Variants in ARMH3 observed in about 807,000 individuals in gnomAD.
ARMH3 encodes the protein armadillo like helical domain containing 3.
Under a neutral mutation model 99.1 loss-of-function variants are expected in ARMH3, and 60 were observed. That is an observed-to-expected ratio of 0.61 (90% CI 0.49 to 0.75). The LOEUF (loss-of-function observed/expected upper bound fraction) is 0.75, where lower values mean the gene tolerates loss of function less well. ARMH3 is among the 30% of genes least tolerant of loss of function. The pLI is 0.00. For missense variants in ARMH3, 679 were observed against 843.1 expected, an observed-to-expected ratio of 0.81 and a Z score of 2.41; for synonymous variants, 285 against 292.8, an observed-to-expected ratio of 0.97 and a Z score of 0.27.
At chr10:101,874,796 A>G (rs947419363) in intron 24 of ARMH3, among the ~76,000 whole-genome samples, 2 of 152,162 alleles carry the variant, frequency 1.3e-5, no homozygotes, top group African/African-American at 4.8e-5. Flanking sequence ...TGGATCTGCA[A>G]AGAGACAATA....
chr10:102,050,221 T>C (rs557582345), intron 1 of ARMH3, among the ~76,000 whole-genome samples: 17 of 151,786 alleles, frequency 1.1e-4, no homozygotes, highest in Admixed American at 5.3e-4. Context: ...GGAGGGCAGA[T>C]CACAAGGTCA....
At chr10:101,961,793 G>A (rs1050705765) in intron 20 of ARMH3, among the ~76,000 whole-genome samples, 1 of 152,172 alleles carries the variant, frequency 6.6e-6, no homozygotes, top group Non-Finnish European at 1.5e-5. Flanking sequence ...AGAAGTAGCA[G>A]TACATACAGG....
At chr10:101,849,667 C>A (rs1041889268) in intron 25 of ARMH3, 109 bp downstream of exon 25, 16 of 862,040 alleles carry the variant, frequency 1.9e-5, no homozygotes, top group Non-Finnish European at 2.8e-5. Context: ...CCCATCCCAG[C>A]AGACCCCTCA....
chr10:101,942,881 A>C (rs2135728146), intron 22 of ARMH3, among the ~76,000 whole-genome samples: 2 of 152,184 alleles, frequency 1.3e-5, no homozygotes, highest in African/African-American at 4.8e-5. Context: ...AAAAAAAAAA[A>C]AATGTCTTTC....
chr10:101,904,645 T>C (rs2068059628), intron 23 of ARMH3, among the ~76,000 whole-genome samples: 1 of 151,732 alleles, frequency 6.6e-6, no homozygotes, highest in Admixed American at 6.6e-5. Flanking sequence ...TTCTACAGTG[T>C]TGGGATTAAA....
At chr10:101,981,232 G>A (rs1010253292) in intron 19 of ARMH3, among the ~76,000 whole-genome samples, 1 of 152,002 alleles carries the variant, frequency 6.6e-6, no homozygotes, top group Non-Finnish European at 1.5e-5. Context: ...CTAATTTCTT[G>A]GGCTTCTTAC....
intron 1 of ARMH3, among the ~76,000 whole-genome samples, chr10:102,054,388 CA>C (rs1199918958): frequency 0.036 from 2,550 of 70,692 alleles, 28 homozygotes; most frequent in East Asian, 0.066. Flanking sequence ...GACTCCGTCT[CA>C]AAAAAAAAAA....
intron 25 of ARMH3, 54 bp from the exon 26 acceptor site, chr10:101,847,674 A>G: frequency 6.5e-7 from 1 of 1,527,278 alleles, no homozygotes; most frequent in South Asian, 1.1e-5. Context: ...AGAAAACAGG[A>G]GAGAGTCAGT....
At chr10:101,967,739 G>C (rs892167441) in intron 20 of ARMH3, among the ~76,000 whole-genome samples, 1 of 152,096 alleles carries the variant, frequency 6.6e-6, no homozygotes, top group Non-Finnish European at 1.5e-5. Flanking sequence ...TCAGTCGTGG[G>C]GGGAGCAGGG....
rs1243037824 is a variant in ARMH3 at position 101,888,551 on chromosome 10, A to G, written c.1860+861T>C. Among the ~76,000 whole-genome samples the G allele has an allele frequency of 2.0e-5, 3 of 152,236 alleles. No homozygotes were observed. In the East Asian group the frequency reaches 5.8e-4, roughly 29 times the overall value. On this transcript the variant is annotated intron_variant, in intron 24 of 25. Coordinates refer to ENST00000370033, the MANE Select transcript of ARMH3 (RefSeq NM_024541.3). Reference sequence around the variant, plus strand: ...ACACTGAAACACATGGTCAAATCATAGCTGGCTGGCTGGCTCTGCCAGCAA... The same window carrying G: ...ACACTGAAACACATGGTCAAATCATGGCTGGCTGGCTGGCTCTGCCAGCAA...
intron 18 of ARMH3, among the ~76,000 whole-genome samples, chr10:101,990,894 T>C (rs1846760294): frequency 6.6e-6 from 1 of 152,228 alleles, no homozygotes; most frequent in African/African-American, 2.4e-5. Context: ...ATTGTATAGA[T>C]ATTTCATCCC....
Position 102,039,957 on chromosome 10 carries a change from T to C in ARMH3, c.102+56A>G, listed in dbSNP as rs1406139676. 6 of 1,487,812 alleles carry C rather than the reference T, an allele frequency of 4.0e-6. 1 individual carries two copies. In the Admixed American group the frequency reaches 1.0e-4, roughly 25 times the overall value. The allele number at this position is 1,487,812 out of a possible 1,614,324, so 92.2% of individuals were successfully genotyped here. On this transcript the variant is annotated intron_variant, in intron 2 of 25. Transcript: ENST00000370033. ...CAGGCAGAGGTAAGGGTATTTCTCA[T>C]CTTGGACTAAGAAACTAAAGACTCA...
intron 1 of ARMH3, among the ~76,000 whole-genome samples, chr10:102,048,219 T>C (rs1735538394): frequency 6.6e-6 from 1 of 152,170 alleles, no homozygotes; most frequent in African/African-American, 2.4e-5. Flanking sequence ...CCACATTAAA[T>C]CACACTTCCT....
intron 7 of ARMH3, 26 bp from the exon 8 acceptor site, chr10:102,023,589 A>C: frequency 6.2e-7 from 1 of 1,611,236 alleles, no homozygotes; most frequent in East Asian, 2.2e-5. Flanking sequence ...AAAATGCATG[A>C]GACTGCTAAC....
intron 20 of ARMH3, among the ~76,000 whole-genome samples, chr10:101,969,000 C>T (rs977501645): frequency 1.3e-5 from 2 of 152,164 alleles, no homozygotes; most frequent in Non-Finnish European, 2.9e-5. Flanking sequence ...CTTAATTAGG[C>T]ACATCAGCCT....
chr10:101,888,446 G>A (rs530152997), intron 24 of ARMH3, among the ~76,000 whole-genome samples: 70 of 152,362 alleles, frequency 4.6e-4, no homozygotes, highest in Non-Finnish European at 1.6e-4. Flanking sequence ...AAGAGCCACT[G>A]GTGGGAATAC....
At chr10:101,944,094 G>A (rs571988061) in intron 22 of ARMH3, among the ~76,000 whole-genome samples, 12 of 149,182 alleles carry the variant, frequency 8.0e-5, no homozygotes, top group Non-Finnish European at 1.2e-4. Context: ...TTAGAAATAC[G>A]TTCGATATAT....
intron 19 of ARMH3, among the ~76,000 whole-genome samples, chr10:101,978,118 G>T (rs1473757995): frequency 1.3e-5 from 2 of 152,148 alleles, no homozygotes; most frequent in Non-Finnish European, 1.5e-5. Flanking sequence ...ATTAAAACAT[G>T]ATTCTACTTT....
intron 1 of ARMH3, among the ~76,000 whole-genome samples, chr10:102,052,043 A>G (rs1243619935): frequency 2.0e-5 from 3 of 152,150 alleles, no homozygotes; most frequent in Non-Finnish European, 4.4e-5. Flanking sequence ...GATCTTCTCA[A>G]TGAGCAGGAG....
Sources: gnomAD v4.1 joint callset for allele counts (sites outside exome capture counted in the v4.1 genomes callset) on GRCh38, gnomAD v4.1.1 for gene constraint, MANE v1.5 for transcripts, NCBI Gene and HGNC (gene_info 2026-07-23, HGNC 2026-07-21) for gene names.